The following ADARB2 variants were observed in gnomAD, a reference collection of about 807,000 sequenced individuals.
ADARB2 encodes the protein inactive double-stranded RNA-specific editase B2.
A neutral mutation model predicts 62.2 loss-of-function variants in ADARB2; 25 were observed. The ratio of observed to expected loss-of-function variants is 0.40; its 90% CI spans 0.29 to 0.56. The LOEUF is 0.56. ADARB2 is among the 20% of genes least tolerant of loss of function. The pLI is 0.43. For missense variants in ADARB2, 1,071 were observed against 1,077.4 expected (o/e 0.99, Z 0.08); for synonymous variants, 572 against 500.8 (o/e 1.14, Z -1.90).
chr10:1,228,171 A>G (rs866688856), intron 6 of ADARB2, among the ~76,000 whole-genome samples: 2 of 152,350 alleles, frequency 1.3e-5, no homozygotes, highest in Middle Eastern at 3.4e-3. Context: ...CTAGGCTCAT[A>G]GCATGTACTT....
chr10:1,718,830 C>G (rs562528727), intron 1 of ADARB2, among the ~76,000 whole-genome samples: 3 of 152,176 alleles, frequency 2.0e-5, no homozygotes, highest in African/African-American at 7.2e-5. Flanking sequence ...GTCCCTGAGC[C>G]TCTCGGCAAG....
chr10:1,256,394 G>A (rs1485810741), intron 4 of ADARB2, among the ~76,000 whole-genome samples: 2 of 152,238 alleles, frequency 1.3e-5, no homozygotes, highest in African/African-American at 2.4e-5. Context: ...GGGATGAGGA[G>A]AGGTCAGGGG....
At chr10:1,266,601 G>A (rs559628658) in intron 4 of ADARB2, among the ~76,000 whole-genome samples, 1 of 152,300 alleles carries the variant, frequency 6.6e-6, no homozygotes, top group Admixed American at 6.5e-5. Flanking sequence ...GGGAGCCTGT[G>A]GGAGAAGGAC....
Position 1,435,862 on chromosome 10 carries a change from C to A in ADARB2, c.101-56702G>T, listed in dbSNP as rs149946313. On this transcript the variant is annotated intron_variant, in intron 1 of 9. Coordinates refer to ENST00000381312, the MANE Select transcript of ADARB2 (RefSeq NM_018702.4). Reference sequence around the variant, plus strand: ...TTCAGCAAAATGAGTAAAAACGTTTCGAAGGGAAAATGATTTTATAGAAAG... The same window carrying A: ...TTCAGCAAAATGAGTAAAAACGTTTAGAAGGGAAAATGATTTTATAGAAAG... 2.3e-4 allele frequency among the ~76,000 whole-genome samples: 35 copies of A among 152,212 alleles called. 1 individual carries two copies. In the East Asian group the frequency reaches 5.8e-3, roughly 25 times the overall value.
At chr10:1,448,606 C>T (rs1293619321) in intron 1 of ADARB2, among the ~76,000 whole-genome samples, 1 of 152,188 alleles carries the variant, frequency 6.6e-6, no homozygotes, top group East Asian at 1.9e-4. Flanking sequence ...GGTGCATGGA[C>T]AAGCCCATCT....
intron 1 of ADARB2, chr10:1,678,168 C>A: frequency 1.0e-6 from 1 of 985,392 alleles, no homozygotes; most frequent in Non-Finnish European, 1.2e-6. Flanking sequence ...GTCGGTCACC[C>A]AGCAAATGCC....
chr10:1,546,035 A>G (rs1025237644), intron 1 of ADARB2, among the ~76,000 whole-genome samples: 8 of 151,028 alleles, frequency 5.3e-5, no homozygotes, highest in Admixed American at 4.6e-4. Context: ...AGCACCAAGG[A>G]GCTGAAACTC....
intron 2 of ADARB2, among the ~76,000 whole-genome samples, chr10:1,369,963 G>A (rs964267002): frequency 3.9e-5 from 6 of 152,224 alleles, no homozygotes; most frequent in African/African-American, 1.4e-4. Context: ...GGCCCATCAC[G>A]CGGTTCACAA....
Position 1,181,689 on chromosome 10 carries a change from C to T in ADARB2, c.*1504G>A, listed in dbSNP as rs1836677382. ...TTCTTGCACTTTCTGGGGTGGTCAGCTGGGATTCTTTCCGGGAAGCCCACA... is the reference window on the plus strand; with the variant it reads ...TTCTTGCACTTTCTGGGGTGGTCAGTTGGGATTCTTTCCGGGAAGCCCACA... On this transcript the variant is annotated 3_prime_UTR_variant, in exon 10 of 10. Transcript: ENST00000381312. 1 of 152,228 alleles carries T rather than the reference C, an allele frequency of 6.6e-6. No homozygotes were observed. The highest frequency in any genetic ancestry group is 2.4e-5 in the African/African-American group (1 of 41,466). 9.4% of individuals were successfully genotyped at this position (152,228 alleles called of 1,614,324 possible). A position where few individuals can be genotyped will look rare whatever the true frequency, so the allele number is the denominator to read the frequency against.
intron 1 of ADARB2, among the ~76,000 whole-genome samples, chr10:1,471,384 C>A (rs565515567): frequency 6.6e-6 from 1 of 151,928 alleles, no homozygotes; most frequent in East Asian, 1.9e-4. Context: ...TAAGAGCAGA[C>A]CTTTGTACAA....
chr10:1,226,823 G>A (rs1209231822), intron 6 of ADARB2, among the ~76,000 whole-genome samples: 1 of 149,770 alleles, frequency 6.7e-6, no homozygotes, highest in South Asian at 2.1e-4. Context: ...TGCCTCTATT[G>A]GGGGGGTGCC....
At chr10:1,306,955 G>A (rs1185076098) in intron 3 of ADARB2, among the ~76,000 whole-genome samples, 4 of 130,810 alleles carry the variant, frequency 3.1e-5, no homozygotes, top group East Asian at 5.4e-4. Flanking sequence ...AGACTTAAAC[G>A]TTAGACCTAA....
At chr10:1,580,935 G>A (rs1833089719) in intron 1 of ADARB2, among the ~76,000 whole-genome samples, 1 of 152,292 alleles carries the variant, frequency 6.6e-6, no homozygotes, top group Non-Finnish European at 1.5e-5. Context: ...GCTGAATCAT[G>A]CACCATCGTG....
intron 1 of ADARB2, among the ~76,000 whole-genome samples, chr10:1,524,453 C>T (rs1291127682): frequency 6.6e-6 from 1 of 152,202 alleles, no homozygotes; most frequent in Non-Finnish European, 1.5e-5. Flanking sequence ...ATTTTCAGAC[C>T]TGCTGGCATC....
intron 1 of ADARB2, among the ~76,000 whole-genome samples, chr10:1,676,911 T>C (rs1237795399): frequency 1.3e-5 from 2 of 152,178 alleles, no homozygotes; most frequent in African/African-American, 4.8e-5. Flanking sequence ...CATGGGTCAC[T>C]GTGGAGTGGA....
chr10:1,297,374 T>TA (rs1831532362), intron 3 of ADARB2, among the ~76,000 whole-genome samples: 1 of 152,222 alleles, frequency 6.6e-6, no homozygotes, highest in African/African-American at 2.4e-5. Context: ...CTCAAGTTTT[T>TA]ACACATCCAG....
chr10:1,493,028 C>T (rs144026182), intron 1 of ADARB2, among the ~76,000 whole-genome samples: 169 of 152,300 alleles, frequency 1.1e-3, no homozygotes, highest in African/African-American at 4.0e-3. Context: ...CAGGTCACAG[C>T]ACATTTTTAA....
At chr10:1,598,643 G>A (rs183808313) in intron 1 of ADARB2, among the ~76,000 whole-genome samples, 84 of 152,304 alleles carry the variant, frequency 5.5e-4, no homozygotes, top group African/African-American at 1.8e-3. Context: ...CCCCTGAGAG[G>A]AGAGGAGGAA....
chr10:1,452,750 G>GT (rs1197944529), intron 1 of ADARB2, among the ~76,000 whole-genome samples: 2 of 151,152 alleles, frequency 1.3e-5, no homozygotes, highest in African/African-American at 4.9e-5. Flanking sequence ...TGTATACTGT[G>GT]TAACAAATCT....
Sources: gnomAD v4.1 joint callset for allele counts (sites outside exome capture counted in the v4.1 genomes callset) on GRCh38, gnomAD v4.1.1 for gene constraint, MANE v1.5 for transcripts, NCBI Gene and HGNC (gene_info 2026-07-23, HGNC 2026-07-21) for gene names.